MPRIP: variants seen among roughly 807,000 people sequenced by gnomAD.
MPRIP encodes myosin phosphatase Rho interacting protein.
In MPRIP, 59 loss-of-function variants were observed where a neutral mutation model predicts 234.9. The observed-to-expected ratio is 0.25, with a 90% confidence interval of 0.20 to 0.31. MPRIP has a LOEUF of 0.31. Ranked by LOEUF, MPRIP falls within the 10% of genes least tolerant of loss-of-function variation. MPRIP has a pLI of 1.00. For synonymous variants in MPRIP, 1,144 were observed against 1,263.9 expected, an observed-to-expected ratio of 0.91 and a Z score of 2.01; for missense variants, 2,436 against 3,071.0, an observed-to-expected ratio of 0.79 and a Z score of 4.89.
intron 1 of MPRIP, chr17:17,057,605 T>TA: frequency 1.4e-6 from 1 of 718,074 alleles, no homozygotes; most frequent in Admixed American, 2.0e-5. Context: ...TCATCACTGT[T>TA]ACCAGTTTTC....
chr17:17,176,319 C>G, intron 20 of MPRIP, 107 bp from the exon 21 acceptor site: 2 of 825,498 alleles, frequency 2.4e-6, no homozygotes, highest in South Asian at 1.4e-5. Context: ...CGAGGCTGCC[C>G]TGCTCACTGG....
chr17:17,117,602 C>T (rs2090311423), intron 3 of MPRIP, among the ~76,000 whole-genome samples: 1 of 152,190 alleles, frequency 6.6e-6, no homozygotes, highest in African/African-American at 2.4e-5. Context: ...TTTTGTCTAT[C>T]CATTTGTCCA....
intron 3 of MPRIP, among the ~76,000 whole-genome samples, chr17:17,125,275 T>G (rs1331028084): frequency 1.3e-5 from 2 of 152,152 alleles, no homozygotes; most frequent in Non-Finnish European, 2.9e-5. Flanking sequence ...GCTGAAAGGG[T>G]GAAGCCACTG....
At chr17:17,162,072 G>A (rs2144615541) in intron 15 of MPRIP, among the ~76,000 whole-genome samples, 1 of 152,370 alleles carries the variant, frequency 6.6e-6, no homozygotes, top group South Asian at 2.1e-4. Context: ...AGAGGAGATT[G>A]TGATAGGAAG....
chr17:17,050,810 G>T (rs2143842548), intron 1 of MPRIP, among the ~76,000 whole-genome samples: 1 of 152,358 alleles, frequency 6.6e-6, no homozygotes, highest in African/African-American at 2.4e-5. Flanking sequence ...AGGGCCTCAG[G>T]CCTGTCCTGT....
chr17:17,088,076 C>G (rs2089632230), intron 3 of MPRIP, among the ~76,000 whole-genome samples: 1 of 152,252 alleles, frequency 6.6e-6, no homozygotes, highest in East Asian at 1.9e-4. Flanking sequence ...AATTGATTAT[C>G]AAGGGGCTGA....
chr17:17,129,233 C>G (rs975435763), intron 4 of MPRIP, among the ~76,000 whole-genome samples: 3 of 152,098 alleles, frequency 2.0e-5, no homozygotes, highest in African/African-American at 7.2e-5. Context: ...CTTCTGTGCT[C>G]TCAGCTGGGT....
chr17:17,122,401 TGGA>T (rs2090407557), intron 3 of MPRIP, among the ~76,000 whole-genome samples: 1 of 152,254 alleles, frequency 6.6e-6, no homozygotes, highest in East Asian at 1.9e-4. Flanking sequence ...TCACCCAGGC[TGGA>T]GTGCAGTGGC....
At position 17,046,231 on chromosome 17, in the gene MPRIP, G is replaced by A. The variant is rs79810352; in HGVS notation, c.123+3260G>A. On this transcript the variant is annotated intron_variant, in intron 1 of 23. Coordinates refer to ENST00000651222, the MANE Select transcript of MPRIP (RefSeq NM_001364716.4). Reference sequence around the variant, plus strand: ...CATGGTGTTGCATATAAAGATGCCAGAACCATTTTGCATATTAGGCCTTTA... The same window carrying A: ...CATGGTGTTGCATATAAAGATGCCAAAACCATTTTGCATATTAGGCCTTTA... Among the ~76,000 whole-genome samples, 590 of 152,338 alleles carry A rather than the reference G, an allele frequency of 3.9e-3. 5 individuals are homozygous for A. The highest frequency in any genetic ancestry group is 0.01 in the Middle Eastern group (3 of 294).
intron 22 of MPRIP, among the ~76,000 whole-genome samples, chr17:17,177,635 C>T (rs908905275): frequency 1.3e-5 from 2 of 152,174 alleles, no homozygotes; most frequent in African/African-American, 4.8e-5. Context: ...CTAGGGAGAA[C>T]CCATAGTATC....
At chr17:17,052,647 G>C (rs2088576429) in intron 1 of MPRIP, among the ~76,000 whole-genome samples, 1 of 152,216 alleles carries the variant, frequency 6.6e-6, no homozygotes, top group South Asian at 2.1e-4. Context: ...TAGTTCTTGA[G>C]TGTGTGGTGG....
intron 12 of MPRIP, among the ~76,000 whole-genome samples, chr17:17,151,921 G>A (rs1403477091): frequency 6.6e-6 from 1 of 152,234 alleles, no homozygotes; most frequent in Non-Finnish European, 1.5e-5. Context: ...GGGCTCACCT[G>A]TAGCAGGGTC....
chr17:17,098,751 A>T (rs1360099004), intron 3 of MPRIP, among the ~76,000 whole-genome samples: 1 of 152,180 alleles, frequency 6.6e-6, no homozygotes, highest in Non-Finnish European at 1.5e-5. Flanking sequence ...CAGCACAGGC[A>T]AAAGGAGTCT....
At chr17:17,172,558 A>C in intron 17 of MPRIP, 140 bp from the exon 18 acceptor site, 1 of 633,846 alleles carries the variant, frequency 1.6e-6, no homozygotes, top group Non-Finnish European at 2.7e-6. Flanking sequence ...CCAGCCTGTC[A>C]TGCAAAATCC....
chr17:17,171,500 ACT>A (rs1357396514), intron 16 of MPRIP: 1 of 555,508 alleles, frequency 1.8e-6, no homozygotes, highest in Non-Finnish European at 3.2e-6. Context: ...GGTAGAGTTG[ACT>A]GGTAACACCC....
At position 17,165,446 on chromosome 17, in the gene MPRIP, G is replaced by A. The variant is rs1277561599; in HGVS notation, c.3855G>A (p.Arg1285=). The A allele has an allele frequency of 7.7e-7, 1 of 1,304,240 alleles. No individual in the cohort carries two copies. The highest frequency in any genetic ancestry group is 1.5e-5 in the African/African-American group (1 of 65,996). 80.8% of individuals were successfully genotyped at this position (1,304,240 alleles called of 1,614,324 possible). ...AGTACGGTGATGGCAGCCCCAGTAG[G>A]GAAGACAGCATGGTGCCCCCAAAGT... ...GEEYGDGSPS[R]EDSMVPPKSV... Residue 1285 remains arginine, a synonymous_variant, in exon 16 of 24, where the codon AGG becomes AGA. Coordinates refer to ENST00000651222, the MANE Select transcript of MPRIP (RefSeq NM_001364716.4).
rs1300622818 is a variant in MPRIP, at chr17:17,185,801, G to T, written c.*907G>T. The T allele has an allele frequency of 8.9e-6, 3 of 337,444 alleles. No individual in the cohort carries two copies. The highest frequency in any genetic ancestry group is 2.2e-5 in the African/African-American group (1 of 45,956). The allele number at this position is 337,444 out of a possible 1,614,324, so 20.9% of individuals were successfully genotyped here. On this transcript the variant is annotated 3_prime_UTR_variant, in exon 24 of 24. Transcript: ENST00000651222. ...AAACCGTCACATTGCTTTGGAAAAG[G>T]TTGAGAGGAGACCCCTGTTAAGTCA...
Position 17,187,151 on chromosome 17 carries a change from C to T in MPRIP, c.*2257C>T, listed in dbSNP as rs1949654508. 1 of 152,242 alleles carries T rather than the reference C, an allele frequency of 6.6e-6. No individual in the cohort carries two copies. The highest frequency in any genetic ancestry group is 6.5e-5 in the Admixed American group (1 of 15,276). 9.4% of individuals were successfully genotyped at this position (152,242 alleles called of 1,614,324 possible). ...GACAGGATCATCTGCCTTCAGCCCT[C>T]ACAGTGCTTTAAATTAAAGCAAGTT... On this transcript the variant is annotated 3_prime_UTR_variant, in exon 24 of 24. Coordinates refer to ENST00000651222, the MANE Select transcript of MPRIP (RefSeq NM_001364716.4).
chr17:17,105,344 A>G (rs2090042142), intron 3 of MPRIP, among the ~76,000 whole-genome samples: 1 of 152,214 alleles, frequency 6.6e-6, no homozygotes, highest in South Asian at 2.1e-4. Flanking sequence ...CTAAGAGTCC[A>G]GGGTTGCCCA....
Sources: gnomAD v4.1 joint callset for allele counts (sites outside exome capture counted in the v4.1 genomes callset) on GRCh38, gnomAD v4.1.1 for gene constraint, MANE v1.5 for transcripts, NCBI Gene and HGNC (gene_info 2026-07-23, HGNC 2026-07-21) for gene names.